The following NFYC variants were observed in gnomAD, a reference collection of about 807,000 sequenced individuals.
The protein encoded by NFYC is nuclear transcription factor Y subunit gamma.
Under a neutral mutation model 53.1 loss-of-function variants are expected in NFYC, and 25 were observed. The observed-to-expected ratio is 0.47, with a 90% CI of 0.34 to 0.66. The LOEUF (loss-of-function observed/expected upper bound fraction) is 0.66, where lower values mean the gene tolerates loss of function less well. Ranked by LOEUF, NFYC falls within the 30% of genes least tolerant of loss-of-function variation. The pLI, the probability that NFYC is intolerant of heterozygous loss-of-function variation, is 0.01. For missense variants in NFYC, 260 were observed against 422.7 expected, an observed-to-expected ratio of 0.62 and a Z score of 3.38; for synonymous variants, 145 against 152.6, an observed-to-expected ratio of 0.95 and a Z score of 0.37.
In NFYC at chr1:40,766,852, A is replaced by G. The variant is rs41268093; in HGVS notation, c.828+149A>G. The G allele has an allele frequency of 6.5e-4, 1,003 of 1,531,334 alleles. 8 individuals are homozygous for G. The highest frequency in any genetic ancestry group is 5.1e-4 in the Middle Eastern group (3 of 5,934). The allele number at this position is 1,531,334 out of a possible 1,614,324, so 94.9% of individuals were successfully genotyped here. ...ACACCCTCCATATCCTTCTGCACCCAAGAGGCATGGGTGGTAATTGGAACA... is the reference window on the plus strand; with the variant it reads ...ACACCCTCCATATCCTTCTGCACCCGAGAGGCATGGGTGGTAATTGGAACA... On this transcript the variant is annotated intron_variant, in intron 8 of 9. Coordinates refer to ENST00000447388, the MANE Select transcript of NFYC (RefSeq NM_014223.5).
At chr1:40,767,940 C>T (rs1263527070) in intron 8 of NFYC, among the ~76,000 whole-genome samples, 2 of 152,124 alleles carry the variant, frequency 1.3e-5, no homozygotes, top group East Asian at 3.8e-4. Context: ...TGTGCCACTG[C>T]ACTCCAGCCT....
intron 1 of NFYC, among the ~76,000 whole-genome samples, chr1:40,706,008 A>G (rs1347367457): frequency 6.6e-6 from 1 of 152,206 alleles, no homozygotes; most frequent in East Asian, 1.9e-4. Context: ...GGCCTCCCAA[A>G]ATGCTGGGAT....
intron 1 of NFYC, among the ~76,000 whole-genome samples, chr1:40,732,706 G>C (rs1355200603): frequency 2.0e-5 from 3 of 152,134 alleles, no homozygotes; most frequent in Non-Finnish European, 4.4e-5. Context: ...TCACTTTTCT[G>C]AAGAGGTTCT....
intron 1 of NFYC, among the ~76,000 whole-genome samples, chr1:40,737,310 T>C (rs1645085321): frequency 6.7e-6 from 1 of 149,440 alleles, no homozygotes; most frequent in Non-Finnish European, 1.5e-5. Flanking sequence ...TAGCCCTCTT[T>C]CTCTATCCTA....
At chr1:40,719,394 A>G (rs1644254089) in intron 1 of NFYC, among the ~76,000 whole-genome samples, 1 of 152,218 alleles carries the variant, frequency 6.6e-6, no homozygotes, top group African/African-American at 2.4e-5. Flanking sequence ...AGCTATGAAA[A>G]CATCTCCAAT....
chr1:40,728,694 G>A (rs888209659), intron 1 of NFYC, among the ~76,000 whole-genome samples: 2 of 152,116 alleles, frequency 1.3e-5, no homozygotes, highest in African/African-American at 4.8e-5. Flanking sequence ...CTGGAGTGCA[G>A]TGGTGCAATC....
intron 1 of NFYC, among the ~76,000 whole-genome samples, chr1:40,709,791 T>C (rs1365821524): frequency 6.6e-6 from 1 of 152,198 alleles, no homozygotes; most frequent in Non-Finnish European, 1.5e-5. Context: ...AGGATTTCTT[T>C]CCTAGTTGGG....
intron 1 of NFYC, among the ~76,000 whole-genome samples, chr1:40,737,072 A>C (rs527746551): frequency 2.1e-5 from 3 of 145,218 alleles, no homozygotes; most frequent in Admixed American, 1.4e-4. Context: ...GGTTGCAGTG[A>C]GCTGAAATTG....
intron 8 of NFYC, 145 bp from the exon 9 acceptor site, chr1:40,769,211 C>A: frequency 1.3e-6 from 1 of 745,462 alleles, no homozygotes; most frequent in Non-Finnish European, 2.4e-6. Context: ...AGGAGGGGTG[C>A]TTGCTTGCTT....
chr1:40,693,023 A>C (rs2148390355), intron 1 of NFYC, among the ~76,000 whole-genome samples: 1 of 152,328 alleles, frequency 6.6e-6, no homozygotes. Flanking sequence ...TTTGTTGAGT[A>C]AATATTGTTA....
intron 2 of NFYC, among the ~76,000 whole-genome samples, chr1:40,740,021 T>C (rs1570563755): frequency 1.3e-5 from 2 of 152,054 alleles, no homozygotes; most frequent in African/African-American, 4.8e-5. Flanking sequence ...AGAGTGGTAG[T>C]GGAAGGTGAG....
At chr1:40,735,866 G>T in intron 1 of NFYC, 1 of 459,454 alleles carries the variant, frequency 2.2e-6, no homozygotes, top group Non-Finnish European at 2.9e-6. Flanking sequence ...TGAGTACCTT[G>T]TAGAAAACTA....
chr1:40,710,440 G>T (rs1440431828), intron 1 of NFYC, among the ~76,000 whole-genome samples: 1 of 152,092 alleles, frequency 6.6e-6, no homozygotes, highest in Non-Finnish European at 1.5e-5. Flanking sequence ...TCTCTTTATG[G>T]ATATAAAGCT....
At chr1:40,726,307 G>A (rs1365521057) in intron 1 of NFYC, among the ~76,000 whole-genome samples, 9 of 151,830 alleles carry the variant, frequency 5.9e-5, no homozygotes, top group Non-Finnish European at 1.2e-4. Flanking sequence ...TAGTAGAGAC[G>A]GGGTTTCACC....
intron 1 of NFYC, among the ~76,000 whole-genome samples, chr1:40,697,877 C>T (rs1206275487): frequency 6.6e-6 from 1 of 152,184 alleles, no homozygotes; most frequent in Non-Finnish European, 1.5e-5. Context: ...TGAGACAGCA[C>T]CTGTACTCAT....
rs548136901 is a variant in NFYC, at chr1:40,759,949, AGATT to A, written c.561+1667_561+1670del. Among the ~76,000 whole-genome samples, 244 of 152,268 alleles carry A rather than the reference AGATT, an allele frequency of 1.6e-3. 1 individual carries two copies. The highest frequency in any genetic ancestry group is 3.0e-3 in the Non-Finnish European group (202 of 68,022). ...GAAGAAAAAAAAATGGAGTAGAGGT[AGATT>A]GATTGATTGATGTTTTTTTAAAGAT... On this transcript the variant is annotated intron_variant, in intron 6 of 9. Transcript: ENST00000447388.
chr1:40,698,281 C>T (rs574629071), intron 1 of NFYC, among the ~76,000 whole-genome samples: 18 of 150,818 alleles, frequency 1.2e-4, no homozygotes, highest in East Asian at 8.0e-4. Flanking sequence ...GAGAATCGCT[C>T]GAACCCAGAG....
intron 1 of NFYC, among the ~76,000 whole-genome samples, chr1:40,705,769 TAG>T (rs956980297): frequency 4.6e-5 from 7 of 152,184 alleles, no homozygotes; most frequent in Non-Finnish European, 8.8e-5. Context: ...TTACTTGAGG[TAG>T]AGTCTCACTC....
In NFYC at chr1:40,770,396, G is replaced by A. The variant is rs1295187401; in HGVS notation, c.889-313G>A. Reference sequence around the variant, plus strand: ...GTTCGAATTGCTTGTGTTTGCCACAGAGGAACAGCGTGCAGCAAGCTCGAG... The same window carrying A: ...GTTCGAATTGCTTGTGTTTGCCACAAAGGAACAGCGTGCAGCAAGCTCGAG... On this transcript the variant is annotated intron_variant, in intron 9 of 9. Transcript: ENST00000447388. The surrounding 1 kb of genome is among the most constrained non-coding windows in gnomAD (Gnocchi z 5.3). 6.5e-7 allele frequency: 1 copy of A among 1,544,662 alleles called. No homozygotes were observed. The highest frequency in any genetic ancestry group is 1.2e-5 in the South Asian group (1 of 83,788).
Sources: gnomAD v4.1 joint callset for allele counts (sites outside exome capture counted in the v4.1 genomes callset) on GRCh38, gnomAD v4.1.1 for gene constraint, Gnocchi (gnomAD v3.1) non-coding constraint, MANE v1.5 for transcripts, NCBI Gene and HGNC (gene_info 2026-07-23, HGNC 2026-07-21) for gene names.